The following PYGL variants were observed in gnomAD, a reference collection of about 807,000 sequenced individuals.
PYGL encodes the protein glycogen phosphorylase L, also known as glycogen phosphorylase, liver form.
A neutral mutation model predicts 100.1 loss-of-function variants in PYGL; 90 were observed. The observed-to-expected ratio is 0.90, with a 90% CI of 0.76 to 1.07. The LOEUF (loss-of-function observed/expected upper bound fraction) is 1.07. Ranked by LOEUF, PYGL falls within the 50% of genes least tolerant of loss-of-function variation. The probability of loss-of-function intolerance (pLI) is 0.00; values close to 1 mark genes in which losing one functional copy is unlikely to be tolerated. For synonymous variants in PYGL, 373 were observed against 393.0 expected, an observed-to-expected ratio of 0.95 and a Z score of 0.60; for missense variants, 1,016 against 1,057.6, an observed-to-expected ratio of 0.96 and a Z score of 0.55.
intron 7 of PYGL, among the ~76,000 whole-genome samples, chr14:50,918,989 T>A (rs2050477021): frequency 6.6e-6 from 1 of 152,210 alleles, no homozygotes; most frequent in Admixed American, 6.5e-5. Context: ...AATGAATTTG[T>A]TATTGTAATT....
chr14:50,943,482 G>C (rs2050718445), intron 1 of PYGL, among the ~76,000 whole-genome samples: 1 of 152,230 alleles, frequency 6.6e-6, no homozygotes, highest in Non-Finnish European at 1.5e-5. Context: ...AAGGGTCGGG[G>C]GAGTGTGTGT....
At chr14:50,917,142 T>C in intron 7 of PYGL, 37 bp from the exon 8 acceptor site, 1 of 1,607,344 alleles carries the variant, frequency 6.2e-7, no homozygotes, top group East Asian at 2.2e-5. Context: ...ATGGTTCATA[T>C]TGTAGGTGTG....
rs1244390467 is a variant in PYGL, at chr14:50,942,283, AG to A, written c.243+1877del. Among the ~76,000 whole-genome samples the A allele has an allele frequency of 2.1e-5, 3 of 140,906 alleles. 1 individual carries two copies. Among genetic ancestry groups the A allele is most frequent in the African/African-American group, 7.4e-5 (3 of 40,596 alleles). The allele number at this position is 140,906 out of a possible 152,430, so 92.4% of individuals were successfully genotyped here. A position where few individuals can be genotyped will look rare whatever the true frequency, so the allele number is the denominator to read the frequency against. On this transcript the variant is annotated intron_variant, in intron 1 of 19. Transcript: ENST00000216392. Reference sequence around the variant, plus strand: ...GCTTATATCTGCACTCACGTAGAAAAGGAGAGCCCAGTGAAGAAACTGGCCG... The same window carrying A: ...GCTTATATCTGCACTCACGTAGAAAAGAGAGCCCAGTGAAGAAACTGGCCG...
At chr14:50,909,175 GAAC>G (rs753243712) in intron 17 of PYGL, among the ~76,000 whole-genome samples, 2 of 152,102 alleles carry the variant, frequency 1.3e-5, no homozygotes, top group African/African-American at 2.4e-5. Flanking sequence ...AAGACACTAA[GAAC>G]AATAGATAAT....
At position 50,905,459 on chromosome 14, in the gene PYGL, C is replaced by T. The variant is rs781257219; in HGVS notation, c.2477G>A (p.Trp826Ter). The T allele has an allele frequency of 6.2e-7, 1 of 1,613,874 alleles. No individual in the cohort carries two copies. The highest frequency in any genetic ancestry group is 2.2e-5 in the East Asian group (1 of 44,876). The change falls in exon 20 of 20, where the codon TGG (tryptophan) becomes TAG (stop). Residue 826 changes from tryptophan to a stop codon, truncating the protein, a stop_gained. Coordinates refer to ENST00000216392, the MANE Select transcript of PYGL (RefSeq NM_002863.5). LOFTEE classifies it high-confidence loss of function. ...CTTTAGATCTGAAGGTTCCACGTTC[C>T]AGATGTTTTGGGCATATTCTTTAAT... ...RTIKEYAQNIWNVEPSDLKIS... is the reference protein window; with the variant it reads ...RTIKEYAQNI
chr14:50,905,939 C>A (rs990940141), intron 19 of PYGL, among the ~76,000 whole-genome samples: 1 of 152,168 alleles, frequency 6.6e-6, no homozygotes, highest in African/African-American at 2.4e-5. Context: ...AATGCCATGT[C>A]AAGAGACTTA....
At chr14:50,921,398 C>CTTT in intron 5 of PYGL, 5 of 201,768 alleles carry the variant, frequency 2.5e-5, no homozygotes, top group South Asian at 1.6e-4. Context: ...AAAAGTTTAT[C>CTTT]TTTTTTTTTT....
intron 10 of PYGL, 81 bp downstream of exon 10, chr14:50,915,744 G>C (rs1596036565): frequency 6.5e-7 from 1 of 1,536,720 alleles, no homozygotes; most frequent in Non-Finnish European, 8.9e-7. Flanking sequence ...AAGATGTTTG[G>C]TAAGAGGGAA....
chr14:50,915,626 T>C (rs2142796567), intron 10 of PYGL, 127 bp from the exon 11 acceptor site: 2 of 1,430,482 alleles, frequency 1.4e-6, no homozygotes, highest in Non-Finnish European at 9.6e-7. Context: ...CAGGGAGGGG[T>C]TGAGTTAGCT....
intron 19 of PYGL, among the ~76,000 whole-genome samples, chr14:50,906,524 C>T (rs751770154): frequency 1.3e-5 from 2 of 152,182 alleles, no homozygotes; most frequent in Non-Finnish European, 2.9e-5. Context: ...TAAAAAGCTG[C>T]AATTAGCACT....
chr14:50,915,247 C>A, intron 11 of PYGL, 89 bp downstream of exon 11: 1 of 1,481,794 alleles, frequency 6.7e-7, no homozygotes, highest in South Asian at 1.1e-5. Flanking sequence ...CAAGGCCTTT[C>A]CTCATCCCTA....
intron 5 of PYGL, 128 bp downstream of exon 5, chr14:50,923,841 A>G: frequency 1.7e-6 from 2 of 1,201,602 alleles, no homozygotes; most frequent in Non-Finnish European, 2.4e-6. Flanking sequence ...ATTTACAAAA[A>G]TATATTCTAT....
chr14:50,924,744 G>A (rs2050531697), intron 4 of PYGL, among the ~76,000 whole-genome samples: 1 of 152,036 alleles, frequency 6.6e-6, no homozygotes, highest in African/African-American at 2.4e-5. Flanking sequence ...TATTCCAAGA[G>A]GTAATGAACT....
intron 13 of PYGL, 96 bp from the exon 14 acceptor site, chr14:50,912,399 C>T: frequency 6.7e-7 from 1 of 1,485,940 alleles, no homozygotes; most frequent in Admixed American, 1.7e-5. Context: ...CACTCTTTTG[C>T]CCAGGCTGGA....
At chr14:50,944,038 C>A in intron 1 of PYGL, 123 bp downstream of exon 1, 1 of 1,322,746 alleles carries the variant, frequency 7.6e-7, no homozygotes, top group South Asian at 1.3e-5. Context: ...CTCCTCTGGA[C>A]TTCGGGGCAA....
intron 4 of PYGL, 140 bp from the exon 5 acceptor site, chr14:50,924,240 C>G: frequency 1.1e-6 from 1 of 918,458 alleles, no homozygotes; most frequent in Non-Finnish European, 1.6e-6. Flanking sequence ...AACTTTTTTA[C>G]AGCCTACATC....
intron 19 of PYGL, chr14:50,908,068 C>G: frequency 2.4e-6 from 1 of 413,618 alleles, no homozygotes; most frequent in Non-Finnish European, 4.3e-6. Flanking sequence ...AATGTCAAAT[C>G]TCAACCTTGG....
intron 16 of PYGL, among the ~76,000 whole-genome samples, chr14:50,911,357 A>G (rs370940582): frequency 2.6e-4 from 39 of 152,346 alleles, no homozygotes; most frequent in African/African-American, 8.2e-4. Context: ...GTGACCAAAG[A>G]AATATCTGAA....
chr14:50,927,656 T>C (rs528452246), intron 4 of PYGL, among the ~76,000 whole-genome samples: 2 of 152,336 alleles, frequency 1.3e-5, no homozygotes, highest in African/African-American at 4.8e-5. Flanking sequence ...GAGAGTTTAT[T>C]TGCTTGCTGT....
Sources: gnomAD v4.1 joint callset for allele counts (sites outside exome capture counted in the v4.1 genomes callset) on GRCh38, gnomAD v4.1.1 for gene constraint, MANE v1.5 for transcripts, NCBI Gene and HGNC (gene_info 2026-07-23, HGNC 2026-07-21) for gene names.